The following STRIP2 variants were observed in gnomAD, a reference collection of about 807,000 sequenced individuals.
STRIP2 encodes striatin interacting protein 2, also known as striatin-interacting protein 2.
A neutral mutation model predicts 107.1 loss-of-function variants in STRIP2; 84 were observed. The observed-to-expected ratio is 0.78, with a 90% CI of 0.66 to 0.94. The LOEUF is 0.94. Among genes scored for constraint, STRIP2 ranks in the 40% least tolerant of loss-of-function variants. The pLI, the probability that STRIP2 is intolerant of heterozygous loss-of-function variation, is 0.00. For missense variants in STRIP2, 888 were observed against 1,034.2 expected, an observed-to-expected ratio of 0.86 and a Z score of 1.94; for synonymous variants, 394 against 400.4, an observed-to-expected ratio of 0.98 and a Z score of 0.19.
In STRIP2 at chr7:129,450,918, CTTTTTTTTTTTTTTTTTTTT is replaced by C. The variant is rs758536953; in HGVS notation, c.275-678_275-659del. 1.5e-4 allele frequency among the ~76,000 whole-genome samples: 8 copies of C among 54,470 alleles called. 1 individual carries two copies. The highest frequency in any genetic ancestry group is 1.6e-4 in the African/African-American group (2 of 12,658). 35.7% of individuals were successfully genotyped at this position (54,470 alleles called of 152,430 possible). A position where few individuals can be genotyped will look rare whatever the true frequency, so the allele number is the denominator to read the frequency against. Reference sequence around the variant, plus strand: ...GGCCACAGCATTAGTGAGAAAGGTCCTTTTTTTTTTTTTTTTTTTTTTTTTTTTTTTTTTTTGAGACGGAG... The same window carrying C: ...GGCCACAGCATTAGTGAGAAAGGTCCTTTTTTTTTTTTTTTTGAGACGGAG... On this transcript the variant is annotated intron_variant, in intron 3 of 20. Transcript: ENST00000249344.
chr7:129,443,463 T>G (rs1297606176), intron 2 of STRIP2, among the ~76,000 whole-genome samples: 1 of 152,212 alleles, frequency 6.6e-6, no homozygotes, highest in Non-Finnish European at 1.5e-5. Context: ...CTCTAGAGTT[T>G]TTTTTGCAGC....
intron 18 of STRIP2, among the ~76,000 whole-genome samples, chr7:129,475,766 C>T (rs1798908269): frequency 2.0e-5 from 3 of 152,010 alleles, no homozygotes; most frequent in Non-Finnish European, 2.9e-5. Context: ...GGTGATGACT[C>T]TTAACGAGCA....
chr7:129,478,368 G>A (rs1208149666), intron 18 of STRIP2, among the ~76,000 whole-genome samples: 4 of 152,046 alleles, frequency 2.6e-5, no homozygotes, highest in Non-Finnish European at 5.9e-5. Flanking sequence ...AAATTAGCTG[G>A]GTGTGGTGGC....
At chr7:129,464,005 G>T in intron 14 of STRIP2, 39 bp from the exon 15 acceptor site, 1 of 1,544,060 alleles carries the variant, frequency 6.5e-7, no homozygotes, top group African/African-American at 1.4e-5. Flanking sequence ...TGCTGAGTGG[G>T]TTTGACAGTG....
At chr7:129,463,969 G>T in intron 14 of STRIP2, 75 bp from the exon 15 acceptor site, 2 of 1,154,332 alleles carry the variant, frequency 1.7e-6, no homozygotes, top group East Asian at 2.4e-5. Flanking sequence ...TTATAGGGCG[G>T]TTAGGGTGTG....
chr7:129,454,285 A>T (rs1798278712), intron 6 of STRIP2, 75 bp downstream of exon 6: 1 of 1,542,898 alleles, frequency 6.5e-7, no homozygotes, highest in Admixed American at 1.7e-5. Context: ...CAAATCCCAG[A>T]TGACTCAGAC....
chr7:129,447,841 C>T (rs1456550305), intron 3 of STRIP2, among the ~76,000 whole-genome samples: 5 of 152,244 alleles, frequency 3.3e-5, no homozygotes, highest in African/African-American at 1.2e-4. Context: ...CGATAATCCA[C>T]TGACATTCTC....
chr7:129,434,564 G>T lies in STRIP2; in HGVS notation c.92G>T (p.Gly31Val). The change falls in exon 1 of 21, where the codon GGC becomes GTC. Residue 31 changes from glycine (G) to valine (V), a missense_variant. By Grantham distance (109) the Gly-to-Val change is moderately radical. Transcript: ENST00000249344. ...AAAGGGAAGCAGGCGGCGCCCAAGG[G>T]CCGCGAAGCGTTCCGAAGCCAGCGG... ...GGKGKQAAPK[G>V]REAFRSQRRE... The T allele has an allele frequency of 6.6e-7, 1 of 1,516,500 alleles. No homozygotes were observed. Among genetic ancestry groups the T allele is most frequent in the Non-Finnish European group, 8.8e-7 (1 of 1,138,914 alleles). 93.9% of individuals were successfully genotyped at this position (1,516,500 alleles called of 1,614,324 possible).
chr7:129,475,425 G>A (rs1798890856), intron 18 of STRIP2, among the ~76,000 whole-genome samples: 1 of 151,804 alleles, frequency 6.6e-6, no homozygotes, highest in South Asian at 2.1e-4. Flanking sequence ...CAACAGTGGA[G>A]GGAAGGTCAG....
At chr7:129,442,946 C>T (rs1797938866) in intron 2 of STRIP2, among the ~76,000 whole-genome samples, 2 of 151,990 alleles carry the variant, frequency 1.3e-5, no homozygotes, top group African/African-American at 4.8e-5. Flanking sequence ...TATTTCAGTT[C>T]TTCATCTTCT....
rs1798427278 is a variant in STRIP2, at chr7:129,458,384, C to A, written c.1208C>A (p.Ser403Ter). 1 of 1,613,652 alleles carries A rather than the reference C, an allele frequency of 6.2e-7. No individual in the cohort carries two copies. Among genetic ancestry groups the A allele is most frequent in the Admixed American group, 1.7e-5 (1 of 59,940 alleles). Residue 403 changes from serine to a stop codon, truncating the protein, a stop_gained, in exon 10 of 21, where the codon TCA becomes TAA. Coordinates refer to ENST00000249344, the MANE Select transcript of STRIP2 (RefSeq NM_020704.3). LOFTEE classifies it high-confidence loss of function. This position sits in a 1 kb window ranked among gnomAD's most constrained non-coding sequence, Gnocchi z 4.6. ...EQDPLVPPPP[S>*]QAPLSAERVA... ...GACCCTCTGGTGCCACCTCCACCCT[C>A]ACAGGCACCCCTCTCTGCTGAGCGG...
At position 129,482,372 on chromosome 7, in the gene STRIP2, TA is replaced by T. The variant is rs59155813; in HGVS notation, c.2050-469del. ...CTCTCTCTCTATATATATATATATA[TA>T]TATATTTTTTTTTTTTTTTTTTGAG... On this transcript the variant is annotated intron_variant, in intron 19 of 20. Transcript: ENST00000249344. 4.9e-3 allele frequency among the ~76,000 whole-genome samples: 501 copies of T among 102,302 alleles called. 1 individual carries two copies. The highest frequency in any genetic ancestry group is 0.013 in the East Asian group (31 of 2,438). 67.1% of individuals were successfully genotyped at this position (102,302 alleles called of 152,430 possible).
chr7:129,469,816 C>T (rs536888997), intron 17 of STRIP2, among the ~76,000 whole-genome samples: 1 of 152,318 alleles, frequency 6.6e-6, no homozygotes, highest in Admixed American at 6.5e-5. Context: ...TCGTCAAAGC[C>T]ACTGCTTTGC....
intron 4 of STRIP2, among the ~76,000 whole-genome samples, chr7:129,452,901 TTC>T (rs1798234978): frequency 1.3e-5 from 2 of 152,240 alleles, no homozygotes; most frequent in African/African-American, 4.8e-5. Context: ...GGGCTTCCTT[TTC>T]TTCCCTATCT....
At chr7:129,474,430 G>A (rs1186796927) in intron 18 of STRIP2, among the ~76,000 whole-genome samples, 1 of 152,152 alleles carries the variant, frequency 6.6e-6, no homozygotes, top group Non-Finnish European at 1.5e-5. Context: ...GCCTCTCAAA[G>A]TGCTGGGATT....
At chr7:129,456,364 A>T in intron 8 of STRIP2, 75 bp from the exon 9 acceptor site, 1 of 1,365,306 alleles carries the variant, frequency 7.3e-7, no homozygotes, top group South Asian at 1.2e-5. Context: ...CTTTTCATCC[A>T]TGTTTCCCTG....
chr7:129,453,159 G>A, intron 4 of STRIP2, 68 bp from the exon 5 acceptor site: 1 of 1,596,296 alleles, frequency 6.3e-7, no homozygotes, highest in Non-Finnish European at 8.5e-7. Flanking sequence ...TTAAGATCAT[G>A]GGGCAGGGTG....
intron 18 of STRIP2, among the ~76,000 whole-genome samples, chr7:129,475,334 AT>A (rs1160853125): frequency 3.3e-5 from 5 of 151,520 alleles, no homozygotes; most frequent in African/African-American, 9.7e-5. Flanking sequence ...ATATCTTTTT[AT>A]TTTTTTATTT....
intron 2 of STRIP2, among the ~76,000 whole-genome samples, chr7:129,441,104 G>A (rs975298463): frequency 1.3e-5 from 2 of 151,974 alleles, no homozygotes; most frequent in Admixed American, 6.6e-5. Flanking sequence ...AGAAGAAAAA[G>A]CCAAATGGTC....
Sources: gnomAD v4.1 joint callset for allele counts (sites outside exome capture counted in the v4.1 genomes callset) on GRCh38, gnomAD v4.1.1 for gene constraint, Gnocchi (gnomAD v3.1) non-coding constraint, MANE v1.5 for transcripts, NCBI Gene and HGNC (gene_info 2026-07-23, HGNC 2026-07-21) for gene names.